CAMTA1: variants seen among roughly 807,000 people sequenced by gnomAD.
CAMTA1 encodes calmodulin binding transcription activator 1.
Under a neutral mutation model 170.9 loss-of-function variants are expected in CAMTA1, and 27 were observed. The observed-to-expected ratio is 0.16, with a 90% CI of 0.12 to 0.22. The LOEUF (loss-of-function observed/expected upper bound fraction) is 0.22, where lower values mean the gene tolerates loss of function less well. CAMTA1 is among the 10% of genes least tolerant of loss of function. The pLI is 1.00. For missense variants in CAMTA1, 1,619 were observed against 2,217.2 expected (o/e 0.73, Z 5.42); for synonymous variants, 833 against 891.5 (o/e 0.93, Z 1.17).
intron 6 of CAMTA1, among the ~76,000 whole-genome samples, chr1:7,626,383 C>T (rs2095633716): frequency 6.6e-6 from 1 of 152,156 alleles, no homozygotes; most frequent in African/African-American, 2.4e-5. Flanking sequence ...AAGGGTGGCC[C>T]CATCCCAACC....
intron 4 of CAMTA1, among the ~76,000 whole-genome samples, chr1:7,230,521 C>T (rs1006581324): frequency 1.3e-5 from 2 of 150,634 alleles, no homozygotes; most frequent in Non-Finnish European, 3.0e-5. Context: ...ATCTCTGCCT[C>T]ATCGCCCATC....
intron 6 of CAMTA1, among the ~76,000 whole-genome samples, chr1:7,544,902 A>T (rs2094669551): frequency 6.6e-6 from 1 of 152,126 alleles, no homozygotes; most frequent in African/African-American, 2.4e-5. Flanking sequence ...GGAGGAAGAA[A>T]TTACCCCTTC....
intron 4 of CAMTA1, among the ~76,000 whole-genome samples, chr1:7,236,132 C>G (rs1187177809): frequency 1.3e-5 from 2 of 152,270 alleles, no homozygotes; most frequent in African/African-American, 2.4e-5. Context: ...CGTGAAGACC[C>G]CTGTAAACAA....
intron 3 of CAMTA1, among the ~76,000 whole-genome samples, chr1:6,902,072 C>CACACACACACACACAA (rs3986505): frequency 2.3e-5 from 2 of 88,470 alleles, no homozygotes; most frequent in Admixed American, 1.2e-4. Context: ...CACACACACA[C>CACACACACACACACAA]AAAAAAAAAA....
At chr1:7,168,044 T>C (rs7527250) in intron 4 of CAMTA1, among the ~76,000 whole-genome samples, 34,720 of 152,174 alleles carry the variant, frequency 0.23, 4,681 homozygotes, top group Non-Finnish European at 0.3. Flanking sequence ...CTGAGTTTTC[T>C]ATCTTTGAAC....
chr1:7,541,177 T>A (rs947517330), intron 6 of CAMTA1, among the ~76,000 whole-genome samples: 18 of 152,318 alleles, frequency 1.2e-4, no homozygotes, highest in African/African-American at 4.1e-4. Flanking sequence ...TCCTTTCTGG[T>A]TCCCTCCCTC....
In CAMTA1 at chr1:7,616,421, G is replaced by T. The variant is rs1051984481; in HGVS notation, c.511-23979G>T. ...AACCACTCAGGGTTTACCTTATACT[G>T]TTAGAAATGCTAAGAGATGAGGCAG... On this transcript the variant is annotated intron_variant, in intron 6 of 22. Transcript: ENST00000303635. Among the ~76,000 whole-genome samples, 4 of 152,256 alleles carry T rather than the reference G, an allele frequency of 2.6e-5. No individual in the cohort carries two copies. The East Asian group carries it at 7.7e-4, about 29-fold the overall frequency.
intron 4 of CAMTA1, among the ~76,000 whole-genome samples, chr1:7,203,630 A>C (rs1048709055): frequency 1.3e-5 from 2 of 151,328 alleles, no homozygotes; most frequent in African/African-American, 4.9e-5. Flanking sequence ...TAAGCTATCT[A>C]ATTTGTTGGT....
chr1:6,984,187 G>C (rs1226236438), intron 3 of CAMTA1, among the ~76,000 whole-genome samples: 7 of 143,982 alleles, frequency 4.9e-5, no homozygotes, highest in Non-Finnish European at 1.1e-4. Context: ...TAGGTGAGTG[G>C]ATAGAGGGAT....
At position 7,673,284 on chromosome 1, in the gene CAMTA1, C is replaced by T. The variant is rs1009646156; in HGVS notation, c.2779+2247C>T. Among the ~76,000 whole-genome samples, 3 of 152,240 alleles carry T rather than the reference C, an allele frequency of 2.0e-5. No homozygotes were observed. Among genetic ancestry groups the T allele is most frequent in the African/African-American group, 7.2e-5 (3 of 41,472 alleles). On this transcript the variant is annotated intron_variant, in intron 10 of 22. Coordinates refer to ENST00000303635, the MANE Select transcript of CAMTA1 (RefSeq NM_015215.4). The surrounding 1 kb of genome is among the most constrained non-coding windows in gnomAD (Gnocchi z 4.6). ...CCATCCCAGATCAGCCAGAAACCAT[C>T]CCTGTTGCTGGAGCTCAGTGCCTGA...
chr1:6,831,999 G>C (rs1385821080), intron 3 of CAMTA1, among the ~76,000 whole-genome samples: 2 of 151,672 alleles, frequency 1.3e-5, no homozygotes, highest in African/African-American at 2.4e-5. Context: ...TTTATATTTA[G>C]GTAAGAAAAA....
intron 4 of CAMTA1, among the ~76,000 whole-genome samples, chr1:7,198,775 T>A (rs1466002012): frequency 6.6e-6 from 1 of 152,006 alleles, no homozygotes; most frequent in African/African-American, 2.4e-5. Context: ...GGCCAGATCT[T>A]CCCTGACCCT....
chr1:6,949,506 C>T (rs893782451), intron 3 of CAMTA1, among the ~76,000 whole-genome samples: 1 of 152,208 alleles, frequency 6.6e-6, no homozygotes, highest in Non-Finnish European at 1.5e-5. Context: ...CCTCCAAGAT[C>T]ACAGAACTCC....
chr1:7,465,641 G>T (rs1019768414), intron 5 of CAMTA1, among the ~76,000 whole-genome samples: 1 of 152,148 alleles, frequency 6.6e-6, no homozygotes, highest in Admixed American at 6.5e-5. Flanking sequence ...ACTTCATTTT[G>T]TTTATCGGAT....
At chr1:7,359,959 G>A (rs189407657) in intron 5 of CAMTA1, among the ~76,000 whole-genome samples, 66 of 152,240 alleles carry the variant, frequency 4.3e-4, no homozygotes, top group African/African-American at 1.5e-3. Flanking sequence ...GGCAGGGCTG[G>A]TTTCTTCTGA....
At chr1:7,261,379 C>T (rs1235320134) in intron 5 of CAMTA1, among the ~76,000 whole-genome samples, 1 of 152,154 alleles carries the variant, frequency 6.6e-6, no homozygotes. Context: ...TGGTAGAGAC[C>T]AGGATGGTGT....
chr1:7,689,101 A>C (rs1318821973), intron 11 of CAMTA1, among the ~76,000 whole-genome samples: 1 of 151,862 alleles, frequency 6.6e-6, no homozygotes, highest in Non-Finnish European at 1.5e-5. Flanking sequence ...CTCTCTACCA[A>C]AAATACAAAA....
At chr1:6,880,151 T>C (rs542510197) in intron 3 of CAMTA1, among the ~76,000 whole-genome samples, 3 of 152,122 alleles carry the variant, frequency 2.0e-5, no homozygotes, top group Admixed American at 1.3e-4. Context: ...TGGAGTTCAG[T>C]GGCACGATGA....
At chr1:7,303,174 T>C (rs1037256726) in intron 5 of CAMTA1, among the ~76,000 whole-genome samples, 1 of 152,190 alleles carries the variant, frequency 6.6e-6, no homozygotes, top group Admixed American at 6.5e-5. Flanking sequence ...GCACCGTTAT[T>C]ATTACTTGAC....
Sources: allele counts gnomAD v4.1 joint callset (sites outside exome capture counted in the v4.1 genomes callset), GRCh38; gene constraint gnomAD v4.1.1; non-coding constraint Gnocchi (gnomAD v3.1); transcripts MANE v1.5; gene names NCBI Gene and HGNC (gene_info 2026-07-23, HGNC 2026-07-21).